The following DPY19L2 variants were observed in gnomAD, a reference collection of about 807,000 sequenced individuals.
DPY19L2 encodes probable C-mannosyltransferase DPY19L2.
In DPY19L2, 34 loss-of-function variants were observed where a neutral mutation model predicts 97.9. That is an observed-to-expected ratio of 0.35 (90% CI 0.26 to 0.46). The LOEUF is 0.46. Among genes scored for constraint, DPY19L2 ranks in the 20% least tolerant of loss-of-function variants. DPY19L2 has a pLI of 1.00. For synonymous variants in DPY19L2, 230 were observed against 307.9 expected, an observed-to-expected ratio of 0.75 and a Z score of 2.65; for missense variants, 623 against 911.4, an observed-to-expected ratio of 0.68 and a Z score of 4.07.
At chr12:63,582,293 G>A in intron 18 of DPY19L2, 113 bp downstream of exon 18, 1 of 1,111,664 alleles carries the variant, frequency 9.0e-7, no homozygotes, top group East Asian at 2.8e-5. Flanking sequence ...ACTTAGTTAA[G>A]TTAAAAACAC....
chr12:63,591,454 C>G (rs1052431198), intron 16 of DPY19L2, among the ~76,000 whole-genome samples: 22 of 152,128 alleles, frequency 1.4e-4, no homozygotes, highest in African/African-American at 5.1e-4. Context: ...CATGTGCCCC[C>G]TGCATCGAAA....
At chr12:63,573,978 G>C (rs150391691) in intron 19 of DPY19L2, among the ~76,000 whole-genome samples, 1 of 151,826 alleles carries the variant, frequency 6.6e-6, no homozygotes, top group African/African-American at 2.4e-5. Flanking sequence ...AGAAATAATC[G>C]GAAGGTACAA....
rs1883037072 is a variant in DPY19L2, at chr12:63,591,978, G to GAGGGGAA, written c.1580+2108_1580+2109insTTCCCCT. 7.1e-5 allele frequency among the ~76,000 whole-genome samples: 5 copies of GAGGGGAA among 69,942 alleles called. No individual in the cohort carries two copies. In the South Asian group the frequency reaches 1.9e-3, roughly 27 times the overall value. 45.9% of individuals were successfully genotyped at this position (69,942 alleles called of 152,430 possible). A position where few individuals can be genotyped will look rare whatever the true frequency, so the allele number is the denominator to read the frequency against. On this transcript the variant is annotated intron_variant, in intron 16 of 21. Transcript: ENST00000324472. ...AAAGAAAAGAAAAGAAAAGAAAAGAGGGGAAGGGAAGGGAAGGGAGGGGAA... is the reference window on the plus strand; with the variant it reads ...AAAGAAAAGAAAAGAAAAGAAAAGAGAGGGGAAGGGAAGGGAAGGGAAGGGAGGGGAA...
chr12:63,596,854 G>GT (rs1884335497), intron 14 of DPY19L2, among the ~76,000 whole-genome samples: 1 of 152,202 alleles, frequency 6.6e-6, no homozygotes, highest in African/African-American at 2.4e-5. Flanking sequence ...ATCTTGGCTT[G>GT]TGTGTGCTTT....
At chr12:63,649,982 T>A (rs1342355418) in intron 4 of DPY19L2, among the ~76,000 whole-genome samples, 1 of 152,114 alleles carries the variant, frequency 6.6e-6, no homozygotes, top group Non-Finnish European at 1.5e-5. Context: ...CACAATCAAG[T>A]AGGCTTTATT....
intron 6 of DPY19L2, among the ~76,000 whole-genome samples, chr12:63,643,633 G>C (rs1030074130): frequency 2.0e-5 from 3 of 152,088 alleles, no homozygotes; most frequent in African/African-American, 7.2e-5. Flanking sequence ...GCATCTGTTG[G>C]CATTGGTTCA....
At chr12:63,570,647 T>TTGTG (rs34668144) in intron 20 of DPY19L2, 111 bp downstream of exon 20, 7,925 of 565,308 alleles carry the variant, frequency 0.014, 52 homozygotes, top group South Asian at 0.018. Flanking sequence ...GAGGATGAGT[T>TTGTG]TGTGTGTGTG....
At chr12:63,588,317 A>G (rs1882168678) in intron 16 of DPY19L2, among the ~76,000 whole-genome samples, 2 of 152,166 alleles carry the variant, frequency 1.3e-5, no homozygotes, top group South Asian at 4.1e-4. Context: ...TTTCAGAATT[A>G]TGCTAAATCT....
chr12:63,604,549 C>G (rs1289571313), intron 12 of DPY19L2, among the ~76,000 whole-genome samples: 1 of 152,110 alleles, frequency 6.6e-6, no homozygotes, highest in Non-Finnish European at 1.5e-5. Flanking sequence ...GATTTTCTCT[C>G]AATTTAGATT....
At chr12:63,650,928 A>C (rs1284157803) in intron 4 of DPY19L2, among the ~76,000 whole-genome samples, 1 of 152,012 alleles carries the variant, frequency 6.6e-6, no homozygotes, top group Non-Finnish European at 1.5e-5. Context: ...GAAACCAAAA[A>C]ATAGTTCAAA....
chr12:63,587,682 C>G (rs1231772844), intron 16 of DPY19L2, among the ~76,000 whole-genome samples: 4 of 151,750 alleles, frequency 2.6e-5, no homozygotes. Context: ...CAGCGATTCT[C>G]CTGCCTCAGC....
In DPY19L2 at chr12:63,564,190, TG is replaced by T. The variant is rs938864088; in HGVS notation, c.2127-3529del. ...ATTAATCTTCTCAAGAATCAGTGTT[TG>T]GTTTTACTGACTTTTCCCTGTTTTA... On this transcript the variant is annotated intron_variant, in intron 21 of 21. Coordinates refer to ENST00000324472, the MANE Select transcript of DPY19L2 (RefSeq NM_173812.5). 4.5e-4 allele frequency among the ~76,000 whole-genome samples: 68 copies of T among 152,152 alleles called. 1 individual carries two copies. The highest frequency in any genetic ancestry group is 1.4e-3 in the African/African-American group (59 of 41,428).
chr12:63,626,569 T>C, intron 6 of DPY19L2, 43 bp from the exon 7 acceptor site: 1 of 1,544,312 alleles, frequency 6.5e-7, no homozygotes, highest in African/African-American at 1.4e-5. Context: ...CAATCAAAAT[T>C]CATGTAAAAT....
In DPY19L2 at chr12:63,560,269, CATTT is replaced by C. The variant is rs754758775; in HGVS notation, c.*239_*242del. On this transcript the variant is annotated 3_prime_UTR_variant, in exon 22 of 22. Coordinates refer to ENST00000324472, the MANE Select transcript of DPY19L2 (RefSeq NM_173812.5). The stretch of plus-strand genomic sequence containing the variant: ...TTTCTCTTTAAAATTCTGAAATGAA[CATTT>C]GTTTATGCAGTATGACATGAATGAT... The C allele has an allele frequency of 1.4e-4, 45 of 325,424 alleles. No individual in the cohort carries two copies. The highest frequency in any genetic ancestry group is 3.7e-4 in the Admixed American group (8 of 21,870). The allele number at this position is 325,424 out of a possible 1,614,324, so 20.2% of individuals were successfully genotyped here.
chr12:63,585,329 A>G (rs1881606337), intron 16 of DPY19L2, among the ~76,000 whole-genome samples: 3 of 152,188 alleles, frequency 2.0e-5, no homozygotes, highest in Admixed American at 6.5e-5. Flanking sequence ...TCAGGGGTAC[A>G]GAGACTCATA....
intron 13 of DPY19L2, 87 bp from the exon 14 acceptor site, chr12:63,597,997 A>C: frequency 5.5e-6 from 6 of 1,089,998 alleles, no homozygotes; most frequent in Non-Finnish European, 7.7e-6. Context: ...TAAGAATAAC[A>C]AAGTTTATAG....
intron 7 of DPY19L2, 100 bp from the exon 8 acceptor site, chr12:63,624,231 A>C (rs1387408490): frequency 1.2e-6 from 1 of 809,234 alleles, no homozygotes; most frequent in Non-Finnish European, 2.1e-6. Flanking sequence ...TACTAGGCTC[A>C]CTAGATCCCA....
chr12:63,611,448 GAGA>G (rs999515430), intron 11 of DPY19L2, among the ~76,000 whole-genome samples: 3 of 151,800 alleles, frequency 2.0e-5, no homozygotes, highest in Non-Finnish European at 4.4e-5. Flanking sequence ...GCCCCGATAT[GAGA>G]AGAAGAAACA....
intron 21 of DPY19L2, among the ~76,000 whole-genome samples, chr12:63,561,154 G>A (rs2137231831): frequency 6.6e-6 from 1 of 152,254 alleles, no homozygotes; most frequent in South Asian, 2.1e-4. Context: ...CCCATTTTGG[G>A]TGGCTCTATG....
Sources: allele counts gnomAD v4.1 joint callset (sites outside exome capture counted in the v4.1 genomes callset), GRCh38; gene constraint gnomAD v4.1.1; transcripts MANE v1.5; gene names NCBI Gene and HGNC (gene_info 2026-07-23, HGNC 2026-07-21).